The following PGAP2 variants were observed in gnomAD, a reference collection of about 807,000 sequenced individuals.
PGAP2 encodes the protein post-GPI attachment to proteins 2.
In PGAP2, 21 loss-of-function variants were observed where a neutral mutation model predicts 33.2. The observed-to-expected ratio is 0.63, with a 90% CI of 0.45 to 0.91. The LOEUF is 0.91. Ranked by LOEUF, PGAP2 falls within the 40% of genes least tolerant of loss-of-function variation. The probability of loss-of-function intolerance (pLI) is 0.00; values close to 1 mark genes in which losing one functional copy is unlikely to be tolerated. For missense variants in PGAP2, 345 were observed against 424.0 expected (o/e 0.81, Z 1.64); for synonymous variants, 161 against 172.9 (o/e 0.93, Z 0.54).
intron 6 of PGAP2, 57 bp downstream of exon 6, chr11:3,825,185 G>GT: frequency 6.3e-7 from 1 of 1,587,570 alleles, no homozygotes; most frequent in Non-Finnish European, 8.6e-7. Context: ...CAGCAATGAT[G>GT]TTTTTGATAA....
chr11:3,817,246 G>C, intron 2 of PGAP2, 107 bp from the exon 3 acceptor site: 1 of 825,804 alleles, frequency 1.2e-6, no homozygotes, highest in Non-Finnish European at 2.0e-6. Context: ...TACCCTTTCT[G>C]CTCTGGCTTT....
intron 1 of PGAP2, among the ~76,000 whole-genome samples, chr11:3,801,452 C>T (rs11029828): frequency 0.65 from 98,187 of 150,288 alleles, 33,316 homozygotes; most frequent in East Asian, 0.8. Context: ...ACCATCCTGG[C>T]TAACATGGTG....
At chr11:3,813,876 G>C (rs533949660) in intron 2 of PGAP2, among the ~76,000 whole-genome samples, 16 of 152,284 alleles carry the variant, frequency 1.1e-4, no homozygotes, top group African/African-American at 3.9e-4. Flanking sequence ...TACCCTATTA[G>C]CTAGGTTATT....
upstream of PGAP2, among the ~76,000 whole-genome samples, chr11:3,807,039 GAA>G (rs1301353439): frequency 7.0e-6 from 1 of 141,924 alleles, no homozygotes; most frequent in African/African-American, 2.6e-5. Flanking sequence ...AAGAGAGAAA[GAA>G]AGAAAAAAAA....
chr11:3,806,754 G>A (rs2084411796), upstream of PGAP2, among the ~76,000 whole-genome samples: 1 of 152,274 alleles, frequency 6.6e-6, no homozygotes, highest in South Asian at 2.1e-4. Context: ...ACTGGCGGAG[G>A]CTCATGCCTG....
intron 2 of PGAP2, among the ~76,000 whole-genome samples, chr11:3,812,488 C>T (rs956471805): frequency 1.3e-5 from 2 of 150,450 alleles, no homozygotes; most frequent in East Asian, 2.0e-4. Context: ...TAGTGTAGAG[C>T]TCTAGGTAGA....
chr11:3,804,439 C>T (rs1373370636), upstream of PGAP2, among the ~76,000 whole-genome samples: 2 of 152,096 alleles, frequency 1.3e-5, no homozygotes, highest in Non-Finnish European at 2.9e-5. Flanking sequence ...ATAACTCCTC[C>T]TCAACCCAGG....
Position 3,824,597 on chromosome 11 carries a change from TAGA to T in PGAP2, c.708+225_708+227del, listed in dbSNP as rs1409213763. The T allele has an allele frequency of 5.5e-6, 4 of 729,606 alleles. No individual in the cohort carries two copies. In the African/African-American group the frequency reaches 7.1e-5, roughly 13 times the overall value. 45.2% of individuals were successfully genotyped at this position (729,606 alleles called of 1,614,324 possible). A position where few individuals can be genotyped will look rare whatever the true frequency, so the allele number is the denominator to read the frequency against. ...TTGGGTAGTGTGGGAGACTGGAGAA[TAGA>T]AGAGATGGAGGCTGCAAATGGGGAT... On this transcript the variant is annotated intron_variant, in intron 5 of 6. Coordinates refer to ENST00000278243, the MANE Select transcript of PGAP2 (RefSeq NM_014489.4).
rs1455665648 is a variant in PGAP2, at chr11:3,814,774, TTCTTTCTTTC to T, written c.166-2577_166-2568del. ...TTTCTTTCTTTCTTTCTTTCTTTCT[TTCTTTCTTTC>T]TTTCTTTCTTTCTTTCTTTCTTTCT... On this transcript the variant is annotated intron_variant, in intron 2 of 6. Coordinates refer to ENST00000278243, the MANE Select transcript of PGAP2 (RefSeq NM_014489.4). 8.6e-4 allele frequency among the ~76,000 whole-genome samples: 90 copies of T among 104,628 alleles called. 2 individuals carry two copies. Among genetic ancestry groups the T allele is most frequent in the Non-Finnish European group, 1.6e-4 (7 of 43,376 alleles). The allele number at this position is 104,628 out of a possible 152,430, so 68.6% of individuals were successfully genotyped here.
At chr11:3,815,275 A>G (rs1173897668) in intron 2 of PGAP2, among the ~76,000 whole-genome samples, 1 of 150,148 alleles carries the variant, frequency 6.7e-6, no homozygotes, top group Admixed American at 6.6e-5. Flanking sequence ...TAGAGACAAG[A>G]AGACAGTAAT....
At chr11:3,803,799 T>TATATA (rs1564974962), upstream of PGAP2, among the ~76,000 whole-genome samples, 1 of 116,834 alleles carries the variant, frequency 8.6e-6, no homozygotes, top group African/African-American at 3.4e-5. Flanking sequence ...ATATATATAT[T>TATATA]TTTTTTTTTG....
intron 3 of PGAP2, among the ~76,000 whole-genome samples, chr11:3,821,067 A>G (rs1412828883): frequency 6.6e-6 from 1 of 152,212 alleles, no homozygotes; most frequent in Non-Finnish European, 1.5e-5. Flanking sequence ...ATCTCAAGCT[A>G]TGGTATCTCA....
chr11:3,805,917 C>T (rs1374596768), upstream of PGAP2, among the ~76,000 whole-genome samples: 1 of 151,020 alleles, frequency 6.6e-6, no homozygotes, highest in Non-Finnish European at 1.5e-5. Flanking sequence ...GATCTCTTGA[C>T]CTTGTGATCC....
At chr11:3,798,060 C>T (rs2082819335) in intron 1 of PGAP2, 5 of 1,512,192 alleles carry the variant, frequency 3.3e-6, no homozygotes, top group Admixed American at 2.5e-5. Flanking sequence ...CCCGCACTTC[C>T]CGCCCAGACC....
chr11:3,824,651 C>A, intron 5 of PGAP2: 1 of 714,842 alleles, frequency 1.4e-6, no homozygotes, highest in Non-Finnish European at 2.3e-6. Flanking sequence ...ATCTAGGCGG[C>A]AGTGAGTTAG....
intron 1 of PGAP2, among the ~76,000 whole-genome samples, chr11:3,800,753 A>C (rs562681116): frequency 7.5e-5 from 11 of 147,312 alleles, no homozygotes; most frequent in Admixed American, 2.1e-4. Flanking sequence ...CGGAGGTTGC[A>C]GTGAGCTGAG....
At chr11:3,797,960 A>C in exon 1 of PGAP2, 1 of 1,547,676 alleles carries the variant, frequency 6.5e-7, no homozygotes, top group Non-Finnish European at 8.7e-7. Context: ...GGCCAATCAG[A>C]GGGACGGCCC....
At chr11:3,818,811 G>A (rs1430172645) in intron 3 of PGAP2, among the ~76,000 whole-genome samples, 3 of 152,188 alleles carry the variant, frequency 2.0e-5, no homozygotes, top group African/African-American at 7.2e-5. Context: ...GTGGTCTGGG[G>A]TTCCTATTAT....
chr11:3,823,720 A>G (rs1240246235), intron 3 of PGAP2, 163 bp from the exon 4 acceptor site: 1 of 1,597,018 alleles, frequency 6.3e-7, no homozygotes, highest in Non-Finnish European at 8.5e-7. Flanking sequence ...AGGACCTGGA[A>G]GGAGAGGTCT....
Sources: gnomAD v4.1 joint callset for allele counts (sites outside exome capture counted in the v4.1 genomes callset) on GRCh38, gnomAD v4.1.1 for gene constraint, MANE v1.5 for transcripts, NCBI Gene and HGNC (gene_info 2026-07-23, HGNC 2026-07-21) for gene names.